CXADR: variants seen among roughly 807,000 people sequenced by gnomAD.
CXADR encodes the protein coxsackievirus and adenovirus receptor.
Under a neutral mutation model 40.3 loss-of-function variants are expected in CXADR, and 20 were observed. That is an observed-to-expected ratio of 0.50 (90% CI 0.35 to 0.72). The LOEUF is 0.72. CXADR is among the 30% of genes least tolerant of loss of function. The pLI is 0.01. For missense variants in CXADR, 332 were observed against 449.1 expected (o/e 0.74, Z 2.36); for synonymous variants, 150 against 161.3 (o/e 0.93, Z 0.53).
intron 7 of CXADR, among the ~76,000 whole-genome samples, chr21:17,588,784 A>G (rs2061415033): frequency 6.6e-6 from 1 of 152,064 alleles, no homozygotes; most frequent in African/African-American, 2.4e-5. Flanking sequence ...AATTCTTGAA[A>G]TTTACTCTTC....
rs764374309 is a variant in CXADR at position 17,567,634 on chromosome 21, T to G, written c.*1942T>G. 1.0e-6 allele frequency: 1 copy of G among 983,356 alleles called. No individual in the cohort carries two copies. The highest frequency in any genetic ancestry group is 1.2e-6 in the Non-Finnish European group (1 of 828,132). The allele number at this position is 983,356 out of a possible 1,614,324, so 60.9% of individuals were successfully genotyped here. ...TTAGAAATTTCAATATTCCCAACACTCTATGTTTCTGATTTTATAACAGTA... is the reference window on the plus strand; with the variant it reads ...TTAGAAATTTCAATATTCCCAACACGCTATGTTTCTGATTTTATAACAGTA... On this transcript the variant is annotated 3_prime_UTR_variant, in exon 7 of 7. Transcript: ENST00000284878.
chr21:17,556,935 C>T (rs1201285191), intron 3 of CXADR, among the ~76,000 whole-genome samples: 1 of 152,132 alleles, frequency 6.6e-6, no homozygotes, highest in African/African-American at 2.4e-5. Context: ...TTGACAATTT[C>T]TTACAGTGTT....
chr21:17,598,498 G>A, downstream of CXADR: 1 of 819,402 alleles, frequency 1.2e-6, no homozygotes. Flanking sequence ...ATGGGGAAAG[G>A]CAAGAACTAT....
downstream of CXADR, among the ~76,000 whole-genome samples, chr21:17,597,602 AG>A (rs368885707): frequency 1.1e-4 from 16 of 152,054 alleles, no homozygotes; most frequent in African/African-American, 3.6e-4. Context: ...TACTGTTTGA[AG>A]TTTCATAAAG....
intron 1 of CXADR, among the ~76,000 whole-genome samples, chr21:17,532,514 C>T (rs559088761): frequency 6.6e-6 from 1 of 152,204 alleles, no homozygotes; most frequent in South Asian, 2.1e-4. Flanking sequence ...TGCAGCTCCC[C>T]AAAACCTTCA....
At chr21:17,622,336 T>C in the CXADR span, among the ~76,000 whole-genome samples, 1 of 152,162 alleles carries the variant, frequency 6.6e-6, no homozygotes, top group Non-Finnish European at 1.5e-5. Flanking sequence ...TTAATAATGT[T>C]TGTGATGTGG....
In CXADR at chr21:17,521,318, TTTA is replaced by T. The variant is rs202127220; in HGVS notation, c.43+8164_43+8166del. 3.3e-3 allele frequency among the ~76,000 whole-genome samples: 503 copies of T among 151,620 alleles called. 6 individuals carry two copies. The East Asian group carries it at 0.049, about 15-fold the overall frequency. Reference sequence around the variant, plus strand: ...TGCAGAGGTGAGAGTGAAGCCAGATTTTATTATTATTATTATTATTTTGAGACG... The same window carrying T: ...TGCAGAGGTGAGAGTGAAGCCAGATTTTATTATTATTATTATTTTGAGACG... On this transcript the variant is annotated intron_variant, in intron 1 of 6. Transcript: ENST00000284878.
chr21:17,626,904 G>A, the CXADR span: 1 of 152,180 alleles, frequency 6.6e-6, no homozygotes, highest in East Asian at 1.9e-4. Flanking sequence ...TAAAGAAATT[G>A]AGTTCCAGAA....
At chr21:17,575,168 GTTTT>G (rs1436208691) in intron 7 of CXADR, among the ~76,000 whole-genome samples, 4 of 151,604 alleles carry the variant, frequency 2.6e-5, no homozygotes, top group Non-Finnish European at 5.9e-5. Flanking sequence ...AGGCTTTTCT[GTTTT>G]TTGTTTTGTT....
At chr21:17,594,246 C>T (rs1421916728), downstream of CXADR, 5 of 1,613,344 alleles carry the variant, frequency 3.1e-6, no homozygotes, top group Non-Finnish European at 4.2e-6. Context: ...GATAGTGATT[C>T]TGATGGCCAT....
chr21:17,598,650 A>T, the CXADR span: 1 of 1,614,088 alleles, frequency 6.2e-7, no homozygotes, highest in East Asian at 2.2e-5. Context: ...CAGTCACCGA[A>T]CTGGGTTTCA....
chr21:17,544,633 T>C (rs1480817108), intron 1 of CXADR, among the ~76,000 whole-genome samples: 1 of 151,718 alleles, frequency 6.6e-6, no homozygotes. Flanking sequence ...GAGGCAAGAG[T>C]GGGTGCAGCA....
At chr21:17,559,780 G>A (rs2061089256) in intron 4 of CXADR, among the ~76,000 whole-genome samples, 1 of 148,632 alleles carries the variant, frequency 6.7e-6, no homozygotes. Context: ...CCAGGCTTAA[G>A]TGAGCCTCCC....
the CXADR span, among the ~76,000 whole-genome samples, chr21:17,599,963 T>C: frequency 1.3e-5 from 2 of 152,182 alleles, no homozygotes; most frequent in Admixed American, 6.5e-5. Context: ...TTGAAGAATA[T>C]AGAGGTTTTG....
At chr21:17,552,454 T>A (rs940325542) in intron 3 of CXADR, among the ~76,000 whole-genome samples, 1 of 152,212 alleles carries the variant, frequency 6.6e-6, no homozygotes, top group African/African-American at 2.4e-5. Context: ...TTCACTGATA[T>A]CTTATAGCCC....
At chr21:17,519,309 C>A (rs760907978) in intron 1 of CXADR, among the ~76,000 whole-genome samples, 1 of 152,208 alleles carries the variant, frequency 6.6e-6, no homozygotes, top group African/African-American at 2.4e-5. Context: ...GTCCTTTTTG[C>A]ATGACTGAAA....
intron 1 of CXADR, among the ~76,000 whole-genome samples, chr21:17,531,113 C>T (rs953989134): frequency 7.9e-5 from 12 of 152,050 alleles, no homozygotes; most frequent in African/African-American, 2.9e-4. Context: ...GACTGGCCAG[C>T]GTGGCGAAAC....
the CXADR span, among the ~76,000 whole-genome samples, chr21:17,623,509 T>C: frequency 3.3e-5 from 5 of 152,218 alleles, no homozygotes; most frequent in Non-Finnish European, 7.3e-5. Context: ...TTCCTCTGTG[T>C]TTGAACTCAC....
intron 7 of CXADR, among the ~76,000 whole-genome samples, chr21:17,577,187 C>G (rs2061328100): frequency 6.6e-6 from 1 of 152,088 alleles, no homozygotes; most frequent in Non-Finnish European, 1.5e-5. Flanking sequence ...TAAGATAACA[C>G]TGTGACCAAT....
Sources: gnomAD v4.1 joint callset for allele counts (sites outside exome capture counted in the v4.1 genomes callset) on GRCh38, gnomAD v4.1.1 for gene constraint, MANE v1.5 for transcripts, NCBI Gene and HGNC (gene_info 2026-07-23, HGNC 2026-07-21) for gene names.